CDH4: variants seen among roughly 807,000 people sequenced by gnomAD.
CDH4 encodes cadherin 4, also known as cadherin-4.
A neutral mutation model predicts 86.0 loss-of-function variants in CDH4; 33 were observed. The ratio of observed to expected loss-of-function variants is 0.38; its 90% CI spans 0.29 to 0.51. The LOEUF (loss-of-function observed/expected upper bound fraction) is 0.51, where lower values mean the gene tolerates loss of function less well. Among genes scored for constraint, CDH4 ranks in the 20% least tolerant of loss-of-function variants. The pLI is 0.86. For missense variants in CDH4, 1,114 were observed against 1,307.4 expected, an observed-to-expected ratio of 0.85 and a Z score of 2.28; for synonymous variants, 555 against 549.4, an observed-to-expected ratio of 1.01 and a Z score of -0.14.
At chr20:61,433,546 CA>C (rs974932933) in intron 2 of CDH4, among the ~76,000 whole-genome samples, 4 of 151,600 alleles carry the variant, frequency 2.6e-5, no homozygotes, top group Non-Finnish European at 4.4e-5. Context: ...CTGGGATTGT[CA>C]AAATCACTCT....
At chr20:61,735,905 C>T (rs1252823861) in intron 2 of CDH4, among the ~76,000 whole-genome samples, 3 of 152,180 alleles carry the variant, frequency 2.0e-5, no homozygotes, top group Admixed American at 6.5e-5. Context: ...GGATGTGCTT[C>T]TGAAGCCACC....
rs2086437405 is a variant in CDH4, at chr20:61,582,552, C to A, written c.170-161011C>A. On this transcript the variant is annotated intron_variant, in intron 2 of 15. Coordinates refer to ENST00000614565, the MANE Select transcript of CDH4 (RefSeq NM_001794.5). The surrounding 1 kb of genome is among the most constrained non-coding windows in gnomAD (Gnocchi z 4.2). ...CCTGTAGACTTCCCTCCCAGTGCTT[C>A]CGGGGAGAGTCTCCCCAGTTGCACC... Among the ~76,000 whole-genome samples the A allele has an allele frequency of 6.6e-6, 1 of 152,176 alleles. No individual in the cohort carries two copies. Among genetic ancestry groups the A allele is most frequent in the South Asian group, 2.1e-4 (1 of 4,830 alleles).
intron 5 of CDH4, among the ~76,000 whole-genome samples, chr20:61,849,790 C>T (rs933287556): frequency 1.9e-4 from 29 of 152,314 alleles, no homozygotes; most frequent in African/African-American, 5.8e-4. Flanking sequence ...AGCTGGAGAA[C>T]GTTCAGCTTT....
At chr20:61,635,468 G>A (rs2086936975) in intron 2 of CDH4, among the ~76,000 whole-genome samples, 1 of 152,194 alleles carries the variant, frequency 6.6e-6, no homozygotes, top group Non-Finnish European at 1.5e-5. Context: ...GGCAGAGGGA[G>A]GGCCTTTTGC....
intron 2 of CDH4, among the ~76,000 whole-genome samples, chr20:61,467,406 G>A (rs1197889309): frequency 1.3e-5 from 2 of 152,122 alleles, no homozygotes; most frequent in Non-Finnish European, 2.9e-5. Context: ...AATTATTTTG[G>A]GTACTCTGTG....
rs796871073 is a variant in CDH4 at position 61,296,284 on chromosome 20, CGT to C, written c.169+41359_169+41360del. ...GTGCGTGTGTGTGTGTGCGTGGGTG[CGT>C]GTGTGTGTGTGCGTGGGTGCGTGTG... On this transcript the variant is annotated intron_variant, in intron 2 of 15. Coordinates refer to ENST00000614565, the MANE Select transcript of CDH4 (RefSeq NM_001794.5). 4.6e-5 allele frequency among the ~76,000 whole-genome samples: 4 copies of C among 86,286 alleles called. 1 individual carries two copies. Among genetic ancestry groups the C allele is most frequent in the Middle Eastern group, 6.1e-3 (1 of 164 alleles). 56.6% of individuals were successfully genotyped at this position (86,286 alleles called of 152,430 possible). A position where few individuals can be genotyped will look rare whatever the true frequency, so the allele number is the denominator to read the frequency against.
intron 2 of CDH4, among the ~76,000 whole-genome samples, chr20:61,603,106 G>T (rs2086615723): frequency 6.6e-6 from 1 of 152,212 alleles, no homozygotes; most frequent in Non-Finnish European, 1.5e-5. Context: ...TCTAGTTCAA[G>T]AGGTGGCTAA....
intron 2 of CDH4, among the ~76,000 whole-genome samples, chr20:61,677,866 T>C (rs879729240): frequency 8.5e-6 from 1 of 117,858 alleles, no homozygotes; most frequent in Non-Finnish European, 1.8e-5. Flanking sequence ...AATAGATGGA[T>C]AGATGATGGA....
At chr20:61,834,759 G>A (rs77375004) in intron 4 of CDH4, among the ~76,000 whole-genome samples, 2,339 of 152,264 alleles carry the variant, frequency 0.015, 61 homozygotes, top group East Asian at 0.11. Context: ...AACCCGTCTC[G>A]GCTTTGGACT....
chr20:61,492,467 T>A (rs1453197788), intron 2 of CDH4, among the ~76,000 whole-genome samples: 3 of 152,180 alleles, frequency 2.0e-5, no homozygotes, highest in Admixed American at 2.0e-4. Flanking sequence ...ATGTTGGTGA[T>A]GTTGATGTTC....
At chr20:61,536,601 A>G (rs1174672931) in intron 2 of CDH4, among the ~76,000 whole-genome samples, 4 of 152,164 alleles carry the variant, frequency 2.6e-5, no homozygotes, top group African/African-American at 9.7e-5. Context: ...TAGAGGAAAA[A>G]CAGGACTCTA....
intron 2 of CDH4, among the ~76,000 whole-genome samples, chr20:61,558,529 G>A (rs765440609): frequency 2.0e-5 from 3 of 152,216 alleles, no homozygotes; most frequent in Non-Finnish European, 4.4e-5. Flanking sequence ...ACTGGCCTGC[G>A]GCCTCTGGAC....
chr20:61,636,038 C>T (rs935453384), intron 2 of CDH4, among the ~76,000 whole-genome samples: 1 of 152,240 alleles, frequency 6.6e-6, no homozygotes, highest in Non-Finnish European at 1.5e-5. Context: ...AGGACGCCAG[C>T]GGCTGGGCCT....
chr20:61,725,776 A>AG (rs2088103534), intron 2 of CDH4, among the ~76,000 whole-genome samples: 1 of 141,030 alleles, frequency 7.1e-6, no homozygotes, highest in Non-Finnish European at 1.6e-5. Flanking sequence ...AAGGCGAGGA[A>AG]GGGGAGGGCT....
intron 2 of CDH4, among the ~76,000 whole-genome samples, chr20:61,571,516 C>A (rs1219308677): frequency 2.0e-5 from 3 of 152,144 alleles, no homozygotes; most frequent in Admixed American, 6.5e-5. Context: ...TACAGGCAAA[C>A]CCTGTCCCCA....
intron 2 of CDH4, chr20:61,599,768 C>T (rs977589088): frequency 1.1e-5 from 11 of 985,352 alleles, no homozygotes; most frequent in African/African-American, 5.2e-5. Flanking sequence ...CACGCACTGG[C>T]GCTCTGGCTT....
intron 14 of CDH4, among the ~76,000 whole-genome samples, 177 bp downstream of exon 14, chr20:61,933,301 T>G (rs2055137001): frequency 6.6e-6 from 1 of 152,222 alleles, no homozygotes; most frequent in African/African-American, 2.4e-5. Flanking sequence ...ACACTGCACC[T>G]GCATCCCCCA....
chr20:61,419,480 T>A (rs1384738049), intron 2 of CDH4, among the ~76,000 whole-genome samples: 2 of 152,156 alleles, frequency 1.3e-5, no homozygotes, highest in Non-Finnish European at 2.9e-5. Flanking sequence ...AAAGAGGGAT[T>A]TCAAACTCTA....
At chr20:61,764,577 C>T (rs565375852) in intron 3 of CDH4, among the ~76,000 whole-genome samples, 7 of 152,038 alleles carry the variant, frequency 4.6e-5, no homozygotes, top group African/African-American at 1.2e-4. Context: ...CCGCGCAGGG[C>T]CCCCCGAGCA....
Sources: gnomAD v4.1 joint callset for allele counts (sites outside exome capture counted in the v4.1 genomes callset) on GRCh38, gnomAD v4.1.1 for gene constraint, Gnocchi (gnomAD v3.1) non-coding constraint, MANE v1.5 for transcripts, NCBI Gene and HGNC (gene_info 2026-07-23, HGNC 2026-07-21) for gene names.